The following FER variants were observed in gnomAD, a reference collection of about 807,000 sequenced individuals.
The protein encoded by FER is FER tyrosine kinase, also known as tyrosine-protein kinase Fer.
A neutral mutation model predicts 111.0 loss-of-function variants in FER; 63 were observed. The observed-to-expected ratio is 0.57, with a 90% confidence interval of 0.46 to 0.70. The LOEUF (loss-of-function observed/expected upper bound fraction) is 0.70, where lower values mean the gene tolerates loss of function less well. FER is among the 30% of genes least tolerant of loss of function. The probability of loss-of-function intolerance (pLI) is 0.00; values close to 1 mark genes in which losing one functional copy is unlikely to be tolerated. For missense variants in FER, 914 were observed against 954.0 expected (o/e 0.96, Z 0.55); for synonymous variants, 327 against 313.9 (o/e 1.04, Z -0.44).
chr5:109,026,821 G>A (rs1253947110), intron 13 of FER, among the ~76,000 whole-genome samples: 2 of 152,122 alleles, frequency 1.3e-5, no homozygotes, highest in Admixed American at 1.3e-4. Context: ...TGGGATTACA[G>A]GCGCCCGCCA....
chr5:108,886,155 T>C (rs1747119987), intron 9 of FER, among the ~76,000 whole-genome samples: 1 of 151,768 alleles, frequency 6.6e-6, no homozygotes, highest in Non-Finnish European at 1.5e-5. Flanking sequence ...GAGATGATCT[T>C]TAAGGGCTCC....
chr5:108,843,812 C>T (rs1478763166), intron 5 of FER, among the ~76,000 whole-genome samples: 1 of 151,842 alleles, frequency 6.6e-6, no homozygotes, highest in Non-Finnish European at 1.5e-5. Flanking sequence ...CAGGTGTGAG[C>T]CACCATGCCT....
chr5:108,855,209 G>T (rs969746893), intron 5 of FER, among the ~76,000 whole-genome samples: 1 of 152,078 alleles, frequency 6.6e-6, no homozygotes, highest in Non-Finnish European at 1.5e-5. Context: ...AATATGAAAT[G>T]TTAATTGTCA....
chr5:108,976,796 T>C (rs979959443), intron 13 of FER, among the ~76,000 whole-genome samples: 4 of 152,228 alleles, frequency 2.6e-5, no homozygotes, highest in South Asian at 2.1e-4. Flanking sequence ...GTTTACAAGA[T>C]GAATGATCTC....
chr5:108,784,264 A>G (rs777098352), intron 2 of FER: 3 of 153,044 alleles, frequency 2.0e-5, no homozygotes, highest in Non-Finnish European at 4.4e-5. Context: ...GCATCCCACA[A>G]CATGCTCTGT....
At chr5:108,777,486 T>C (rs1753619497) in intron 2 of FER, among the ~76,000 whole-genome samples, 1 of 152,180 alleles carries the variant, frequency 6.6e-6, no homozygotes, top group Non-Finnish European at 1.5e-5. Context: ...ATTGTACATA[T>C]TATGGGTTTG....
intron 11 of FER, among the ~76,000 whole-genome samples, chr5:108,946,720 A>G (rs1159331757): frequency 6.6e-6 from 1 of 152,050 alleles, no homozygotes; most frequent in African/African-American, 2.4e-5. Context: ...CAGTAGTGCT[A>G]GAGTATTAGT....
intron 13 of FER, among the ~76,000 whole-genome samples, chr5:109,009,585 T>C (rs1053071461): frequency 2.2e-5 from 3 of 138,926 alleles, no homozygotes; most frequent in East Asian, 2.2e-4. Flanking sequence ...ACTACTCTTA[T>C]AGAATCTACC....
intron 17 of FER, among the ~76,000 whole-genome samples, chr5:109,173,452 C>T (rs191364818): frequency 1.8e-4 from 27 of 152,288 alleles, no homozygotes; most frequent in East Asian, 3.9e-4. Context: ...CGAAATAACC[C>T]GATAGAGAAT....
intron 17 of FER, among the ~76,000 whole-genome samples, chr5:109,144,148 C>G (rs918143687): frequency 1.3e-5 from 2 of 152,128 alleles, no homozygotes; most frequent in Admixed American, 1.3e-4. Context: ...AGAGAGCTCT[C>G]TGGACTCTGA....
chr5:108,780,614 G>A (rs909596201), intron 2 of FER, among the ~76,000 whole-genome samples: 23 of 151,844 alleles, frequency 1.5e-4, no homozygotes, highest in Non-Finnish European at 2.9e-4. Flanking sequence ...TTGGTTGTTT[G>A]TTTTTTAATC....
At chr5:108,969,512 T>C (rs796498873) in intron 13 of FER, among the ~76,000 whole-genome samples, 6 of 152,138 alleles carry the variant, frequency 3.9e-5, no homozygotes, top group African/African-American at 1.4e-4. Flanking sequence ...TTAAAAATAA[T>C]ACAATAAACA....
In FER at chr5:108,981,313, A is replaced by G. The variant is rs1482122077; in HGVS notation, c.1656+21966A>G. Among the ~76,000 whole-genome samples the G allele has an allele frequency of 3.3e-5, 5 of 152,110 alleles. No individual in the cohort carries two copies. The East Asian group carries it at 9.6e-4, about 29-fold the overall frequency. ...CCCTAAAGGATTAGGAGACATTTGC[A>G]AAGCTATGTTAAATCAAACAGGCTA... is the stretch of plus-strand genomic sequence containing the variant. On this transcript the variant is annotated intron_variant, in intron 13 of 19. Transcript: ENST00000281092.
At chr5:108,997,875 T>G (rs1764203629) in intron 13 of FER, among the ~76,000 whole-genome samples, 1 of 152,204 alleles carries the variant, frequency 6.6e-6, no homozygotes, top group Non-Finnish European at 1.5e-5. Context: ...GTGGCCTTGC[T>G]GAGCTGTGTG....
At chr5:108,790,271 ACACT>A (rs1561422787) in intron 2 of FER, among the ~76,000 whole-genome samples, 2 of 150,024 alleles carry the variant, frequency 1.3e-5, no homozygotes, top group African/African-American at 2.4e-5. Context: ...ACACACACAC[ACACT>A]CTTACATACA....
At chr5:108,879,931 A>G (rs914705462) in intron 8 of FER, among the ~76,000 whole-genome samples, 4 of 151,632 alleles carry the variant, frequency 2.6e-5, no homozygotes, top group African/African-American at 9.7e-5. Context: ...GCTGGTCTCA[A>G]ACTCCTGACC....
chr5:108,973,288 T>C (rs1220400871), intron 13 of FER, among the ~76,000 whole-genome samples: 1 of 152,192 alleles, frequency 6.6e-6, no homozygotes, highest in Non-Finnish European at 1.5e-5. Context: ...AAGGGAACGA[T>C]TTAATTGTGC....
At chr5:108,882,685 C>CT (rs769290963) in intron 8 of FER, among the ~76,000 whole-genome samples, 21 of 151,576 alleles carry the variant, frequency 1.4e-4, no homozygotes, top group Non-Finnish European at 2.2e-4. Flanking sequence ...TTAATATTTT[C>CT]TTTTTTGTCT....
At chr5:108,843,386 T>A (rs1761476987) in intron 5 of FER, among the ~76,000 whole-genome samples, 2 of 152,224 alleles carry the variant, frequency 1.3e-5, no homozygotes, top group Admixed American at 1.3e-4. Context: ...TTCCTTATCA[T>A]TTTATATTTA....
Sources: gnomAD v4.1 joint callset for allele counts (sites outside exome capture counted in the v4.1 genomes callset) on GRCh38, gnomAD v4.1.1 for gene constraint, MANE v1.5 for transcripts, NCBI Gene and HGNC (gene_info 2026-07-23, HGNC 2026-07-21) for gene names.